AKAP8L: variants seen among roughly 807,000 people sequenced by gnomAD.
AKAP8L encodes the protein A-kinase anchor protein 8-like.
In AKAP8L, 34 loss-of-function variants were observed where a neutral mutation model predicts 77.5. That is an observed-to-expected ratio of 0.44 (90% CI 0.33 to 0.58). The LOEUF is 0.58. AKAP8L is among the 20% of genes least tolerant of loss of function. The pLI is 0.02. For missense variants in AKAP8L, 806 were observed against 887.6 expected, an observed-to-expected ratio of 0.91 and a Z score of 1.17; for synonymous variants, 342 against 340.7, an observed-to-expected ratio of 1.00 and a Z score of -0.04.
Position 15,400,966 on chromosome 19 carries a change from G to A in AKAP8L, c.894C>T (p.Asp298=), listed in dbSNP as rs1967882712. 3 of 1,613,866 alleles carry A rather than the reference G, an allele frequency of 1.9e-6. No individual in the cohort carries two copies. Among genetic ancestry groups the A allele is most frequent in the Non-Finnish European group, 2.5e-6 (3 of 1,179,892 alleles). The change falls in exon 6 of 14, where the codon GAC becomes GAT. Residue 298 remains aspartate (D), a synonymous_variant. Transcript: ENST00000397410. The part of the protein sequence containing the change: ...DSKATRTDCS[D]NSDSDNDEGT... ...GCTCACCATTGTCTGAGTCGCTGTT[G>A]TCCGAGCAGTCCGTGCGGGTGGCTT...
intron 12 of AKAP8L, among the ~76,000 whole-genome samples, chr19:15,388,575 G>T (rs1967588769): frequency 6.6e-6 from 1 of 152,080 alleles, no homozygotes; most frequent in South Asian, 2.1e-4. Flanking sequence ...TACAATAACG[G>T]ACACCAAAAA....
In AKAP8L at chr19:15,401,551, G is replaced by C; in HGVS notation, c.415C>G (p.Leu139Val). 6 of 1,613,092 alleles carry C rather than the reference G, an allele frequency of 3.7e-6. No homozygotes were observed. Among genetic ancestry groups the C allele is most frequent in the Non-Finnish European group, 5.1e-6 (6 of 1,179,634 alleles). Reference sequence around the variant, plus strand: ...CTGTAGTCATAGCCTGACCGGTACAGGTCGCGCTCACTCAGGACGGCCCTC... The same window carrying C: ...CTGTAGTCATAGCCTGACCGGTACACGTCGCGCTCACTCAGGACGGCCCTC... ...DSRAVLSERD[L>V]YRSGYDYSEL... Residue 139 changes from leucine (L) to valine (V), a missense_variant, in exon 5 of 14, where the codon CTG becomes GTG. This residue lies in a region of AKAP8L where 580 missense variants were observed against 694.1 expected (regional missense o/e 0.84). Coordinates refer to ENST00000397410, the MANE Select transcript of AKAP8L (RefSeq NM_014371.4). The surrounding 1 kb of genome is among the most constrained non-coding windows in gnomAD (Gnocchi z 6.2).
At position 15,397,431 on chromosome 19, in the gene AKAP8L, G is replaced by C; in HGVS notation, c.1405+89C>G. The C allele has an allele frequency of 1.4e-6, 2 of 1,481,446 alleles. No homozygotes were observed. The highest frequency in any genetic ancestry group is 1.9e-6 in the Non-Finnish European group (2 of 1,074,414). 91.8% of individuals were successfully genotyped at this position (1,481,446 alleles called of 1,614,324 possible). A position where few individuals can be genotyped will look rare whatever the true frequency, so the allele number is the denominator to read the frequency against. On this transcript the variant is annotated intron_variant, in intron 11 of 13. Coordinates refer to ENST00000397410, the MANE Select transcript of AKAP8L (RefSeq NM_014371.4). The surrounding 1 kb of genome is among the most constrained non-coding windows in gnomAD (Gnocchi z 4.7). The stretch of plus-strand genomic sequence containing the variant: ...GGCTGGTCTCCTGACCTTCCCTGGG[G>C]GAACAGAAGGGTGTCCTGACCCTGC...
At chr19:15,390,563 A>C (rs748237195) in intron 12 of AKAP8L, among the ~76,000 whole-genome samples, 4 of 152,196 alleles carry the variant, frequency 2.6e-5, no homozygotes, top group African/African-American at 4.8e-5. Context: ...AGGAAGAAAA[A>C]TGACAACTGT....
intron 12 of AKAP8L, among the ~76,000 whole-genome samples, chr19:15,394,612 T>C (rs1368656380): frequency 6.6e-6 from 1 of 152,096 alleles, no homozygotes; most frequent in Non-Finnish European, 1.5e-5. Flanking sequence ...GGTGCAATCA[T>C]AACTTACTGT....
chr19:15,416,378 C>A (rs1210293462), intron 1 of AKAP8L, among the ~76,000 whole-genome samples: 1 of 152,142 alleles, frequency 6.6e-6, no homozygotes, highest in Non-Finnish European at 1.5e-5. Context: ...TTTCGCCTTG[C>A]TCTTTCTGGG....
chr19:15,380,057 G>T lies in AKAP8L; in HGVS notation c.*65C>A, dbSNP rs897334178. 16 of 1,415,394 alleles carry T rather than the reference G, an allele frequency of 1.1e-5. No individual in the cohort carries two copies. Among genetic ancestry groups the T allele is most frequent in the Admixed American group, 3.2e-5 (1 of 30,958 alleles). 87.7% of individuals were successfully genotyped at this position (1,415,394 alleles called of 1,614,324 possible). A position where few individuals can be genotyped will look rare whatever the true frequency, so the allele number is the denominator to read the frequency against. ...AACAGAGAAACCCGGAGGTGGGATGGGAAAACTTTATTAGGTTTGGTTTCC... is the reference window on the plus strand; with the variant it reads ...AACAGAGAAACCCGGAGGTGGGATGTGAAAACTTTATTAGGTTTGGTTTCC... On this transcript the variant is annotated 3_prime_UTR_variant, in exon 14 of 14. Coordinates refer to ENST00000397410, the MANE Select transcript of AKAP8L (RefSeq NM_014371.4).
chr19:15,412,682 C>T (rs1021313339), intron 1 of AKAP8L, among the ~76,000 whole-genome samples: 9 of 152,180 alleles, frequency 5.9e-5, no homozygotes, highest in Non-Finnish European at 1.0e-4. Flanking sequence ...GCTGGGACTA[C>T]AGGCGCGTGC....
chr19:15,383,265 C>T (rs543346196), intron 12 of AKAP8L: 1 of 152,158 alleles, frequency 6.6e-6, no homozygotes, highest in African/African-American at 2.4e-5. Context: ...GCTGCACTGC[C>T]ATTGTGTGAT....
At chr19:15,418,633 G>A (rs1968262620) in intron 1 of AKAP8L, among the ~76,000 whole-genome samples, 2 of 152,330 alleles carry the variant, frequency 1.3e-5, no homozygotes, top group African/African-American at 4.8e-5. Context: ...TGGTGGGGGC[G>A]GAGACCTCGT....
chr19:15,407,461 A>G (rs1320712336), intron 2 of AKAP8L, among the ~76,000 whole-genome samples: 5 of 152,126 alleles, frequency 3.3e-5, no homozygotes, highest in African/African-American at 9.7e-5. Flanking sequence ...TTCTTTCACA[A>G]TTGTGTATGT....
chr19:15,387,307 G>A (rs1312972068), intron 12 of AKAP8L, among the ~76,000 whole-genome samples: 3 of 152,148 alleles, frequency 2.0e-5, no homozygotes, highest in African/African-American at 4.8e-5. Context: ...TGAGAGCACG[G>A]CCTTAAATCA....
Position 15,380,114 on chromosome 19 carries a change from A to C in AKAP8L, c.*8T>G. Reference sequence around the variant, plus strand: ...GGCCACGCGGGCTCCGCCCGCCCCGAGCTCGGGTCACGGGGCGCCCCCGCC... The same window carrying C: ...GGCCACGCGGGCTCCGCCCGCCCCGCGCTCGGGTCACGGGGCGCCCCCGCC... On this transcript the variant is annotated 3_prime_UTR_variant, in exon 14 of 14. Transcript: ENST00000397410. 1 of 1,475,680 alleles carries C rather than the reference A, an allele frequency of 6.8e-7. No individual in the cohort carries two copies. Among genetic ancestry groups the C allele is most frequent in the Non-Finnish European group, 8.9e-7 (1 of 1,124,400 alleles). 91.4% of individuals were successfully genotyped at this position (1,475,680 alleles called of 1,614,324 possible).
rs776310058 is a variant in AKAP8L, at chr19:15,418,953, C to A, written c.-30G>T. 6.2e-7 allele frequency: 1 copy of A among 1,604,332 alleles called. No homozygotes were observed. Among genetic ancestry groups the A allele is most frequent in the Non-Finnish European group, 8.5e-7 (1 of 1,179,484 alleles). ...GCGGGCAACACAACATCCGACGACG[C>A]CGGCTTCTGCTGCTCTGAACATCCG... On this transcript the variant is annotated 5_prime_UTR_variant, in exon 1 of 14. Transcript: ENST00000397410.
At position 15,401,135 on chromosome 19, in the gene AKAP8L, G is replaced by A; in HGVS notation, c.816+15C>T. ...GGAACTAAGCTTCCCAGAGGGGAAG[G>A]CTGCCTCCACTCACTCGGAAGTCGG... On this transcript the variant is annotated intron_variant, in intron 5 of 13. Transcript: ENST00000397410. The surrounding 1 kb of genome is among the most constrained non-coding windows in gnomAD (Gnocchi z 6.2). 9 of 1,605,168 alleles carry A rather than the reference G, an allele frequency of 5.6e-6. No homozygotes were observed. Among genetic ancestry groups the A allele is most frequent in the Non-Finnish European group, 6.8e-6 (8 of 1,177,930 alleles).
chr19:15,408,614 T>C (rs532108634), intron 2 of AKAP8L, among the ~76,000 whole-genome samples: 1 of 149,102 alleles, frequency 6.7e-6, no homozygotes, highest in African/African-American at 2.5e-5. Context: ...CCGGGCGCGG[T>C]GGCTCACGCC....
intron 1 of AKAP8L, 29 bp downstream of exon 1, chr19:15,418,882 A>G: frequency 6.3e-7 from 1 of 1,596,322 alleles, no homozygotes; most frequent in Middle Eastern, 1.7e-4. Flanking sequence ...TCCCCCACGC[A>G]GAGCCCGACC....
At chr19:15,418,880 G>T in intron 1 of AKAP8L, 31 bp downstream of exon 1, 3 of 1,593,610 alleles carry the variant, frequency 1.9e-6, no homozygotes, top group Non-Finnish European at 2.6e-6. Flanking sequence ...CATCCCCCAC[G>T]CAGAGCCCGA....
chr19:15,412,226 C>T (rs1355521135), intron 1 of AKAP8L, among the ~76,000 whole-genome samples: 1 of 151,412 alleles, frequency 6.6e-6, no homozygotes, highest in Non-Finnish European at 1.5e-5. Context: ...CAAACAAAAC[C>T]CCAAAATTAG....
Sources: allele counts gnomAD v4.1 joint callset (sites outside exome capture counted in the v4.1 genomes callset), GRCh38; gene constraint gnomAD v4.1.1; regional missense constraint gnomAD v4.1.1; non-coding constraint Gnocchi (gnomAD v3.1); transcripts MANE v1.5; gene names NCBI Gene and HGNC (gene_info 2026-07-23, HGNC 2026-07-21).